The following CMSS1 variants were observed in gnomAD, a reference collection of about 807,000 sequenced individuals.
CMSS1 encodes the protein cms1 ribosomal small subunit homolog, also known as protein CMSS1.
In CMSS1, 33 loss-of-function variants were observed where a neutral mutation model predicts 43.5. That is an observed-to-expected ratio of 0.76 (90% CI 0.57 to 1.01). CMSS1 has a LOEUF of 1.01. Among genes scored for constraint, CMSS1 ranks in the 50% least tolerant of loss-of-function variants. The pLI is 0.00. For missense variants in CMSS1, 313 were observed against 326.4 expected, an observed-to-expected ratio of 0.96 and a Z score of 0.32; for synonymous variants, 115 against 117.2, an observed-to-expected ratio of 0.98 and a Z score of 0.12.
chr3:99,892,907 G>C (rs1006722446), intron 1 of CMSS1, among the ~76,000 whole-genome samples: 2 of 152,134 alleles, frequency 1.3e-5, no homozygotes, highest in African/African-American at 4.8e-5. Flanking sequence ...TAAATTCTAA[G>C]CGTACTATTG....
At chr3:99,982,749 T>G (rs1374466591) in intron 1 of CMSS1, among the ~76,000 whole-genome samples, 1 of 152,228 alleles carries the variant, frequency 6.6e-6, no homozygotes, top group Non-Finnish European at 1.5e-5. Flanking sequence ...CCATATATAG[T>G]ATTTCATAGA....
chr3:99,846,354 T>G (rs181279286), intron 1 of CMSS1, among the ~76,000 whole-genome samples: 41 of 152,362 alleles, frequency 2.7e-4, no homozygotes, highest in African/African-American at 9.9e-4. Flanking sequence ...GATCAGTTGA[T>G]CGATGCCTTC....
intron 1 of CMSS1, among the ~76,000 whole-genome samples, chr3:99,878,620 C>G (rs1705619065): frequency 6.6e-6 from 1 of 152,192 alleles, no homozygotes; most frequent in Admixed American, 6.5e-5. Context: ...CTGGGAAAGC[C>G]AAGACTCATC....
chr3:99,983,801 T>C, intron 1 of CMSS1, among the ~76,000 whole-genome samples: 1 of 151,392 alleles, frequency 6.6e-6, no homozygotes, highest in Non-Finnish European at 1.5e-5. Context: ...GCAAGAAAAG[T>C]AAAATCAGAG....
intron 2 of CMSS1, among the ~76,000 whole-genome samples, chr3:100,155,387 A>G (rs1263561902): frequency 6.6e-6 from 1 of 152,152 alleles, no homozygotes; most frequent in Non-Finnish European, 1.5e-5. Flanking sequence ...CTCTGTTCCT[A>G]TTGTTAATTG....
At chr3:99,884,142 C>T (rs1359517583) in intron 1 of CMSS1, among the ~76,000 whole-genome samples, 3 of 152,118 alleles carry the variant, frequency 2.0e-5, no homozygotes, top group Non-Finnish European at 4.4e-5. Context: ...GTGCAGTAGC[C>T]TGTTCAGGGA....
intron 1 of CMSS1, among the ~76,000 whole-genome samples, chr3:99,976,952 C>A (rs1193240671): frequency 6.6e-6 from 1 of 152,268 alleles, no homozygotes; most frequent in Middle Eastern, 3.4e-3. Context: ...AGTTTGAACT[C>A]CCTGTGTGAC....
chr3:100,133,804 A>T (rs1308169088), intron 1 of CMSS1, among the ~76,000 whole-genome samples: 3 of 152,236 alleles, frequency 2.0e-5, no homozygotes, highest in Non-Finnish European at 4.4e-5. Context: ...TTTAAGGATG[A>T]AGCAATGAAG....
rs116938558 is a variant in CMSS1 at position 99,872,565 on chromosome 3, C to T, written c.64+54522C>T. 4.3e-3 allele frequency among the ~76,000 whole-genome samples: 658 copies of T among 152,116 alleles called. 15 individuals carry two copies. Among genetic ancestry groups the T allele is most frequent in the East Asian group, 0.025 (130 of 5,182 alleles). On this transcript the variant is annotated intron_variant, in intron 1 of 9. Coordinates refer to ENST00000421999, the MANE Select transcript of CMSS1 (RefSeq NM_032359.4). Reference sequence around the variant, plus strand: ...TACTCCTCTACTTACCTCCCTACTGCTCCCCTGCCTGCCCCCACAAACACA... The same window carrying T: ...TACTCCTCTACTTACCTCCCTACTGTTCCCCTGCCTGCCCCCACAAACACA...
At chr3:99,850,587 A>G in intron 1 of CMSS1, 1 of 1,613,464 alleles carries the variant, frequency 6.2e-7, no homozygotes, top group Non-Finnish European at 8.5e-7. Flanking sequence ...CAGCGTTTCC[A>G]TATTCTCCCT....
At chr3:99,954,122 T>C (rs1576597863) in intron 1 of CMSS1, among the ~76,000 whole-genome samples, 1 of 152,382 alleles carries the variant, frequency 6.6e-6, no homozygotes, top group East Asian at 1.9e-4. Context: ...TCATCTCACT[T>C]AACACTTCAG....
intron 2 of CMSS1, among the ~76,000 whole-genome samples, chr3:100,159,433 C>A (rs1299617468): frequency 6.6e-6 from 1 of 152,190 alleles, no homozygotes; most frequent in East Asian, 1.9e-4. Context: ...TGTCTGCAAG[C>A]TTTCATAGAA....
intron 1 of CMSS1, 53 bp from the exon 2 acceptor site, chr3:100,146,920 A>G: frequency 6.3e-7 from 1 of 1,576,408 alleles, no homozygotes; most frequent in South Asian, 1.2e-5. Context: ...CCAAGATTGC[A>G]CTAGCAATGA....
Position 100,058,645 on chromosome 3 carries a change from A to G in CMSS1, c.65-88328A>G, listed in dbSNP as rs79548820. Among the ~76,000 whole-genome samples, 705 of 152,268 alleles carry G rather than the reference A, an allele frequency of 4.6e-3. 10 individuals are homozygous for G. The highest frequency in any genetic ancestry group is 0.016 in the African/African-American group (646 of 41,554). ...TTTTTTCTCCTCTAAATTCCCAAGC[A>G]CCTCACCACAAACTGACTTCATTTT... On this transcript the variant is annotated intron_variant, in intron 1 of 9. Transcript: ENST00000421999.
intron 1 of CMSS1, among the ~76,000 whole-genome samples, chr3:100,007,526 G>C (rs759095628): frequency 1.3e-5 from 2 of 152,150 alleles, no homozygotes; most frequent in Non-Finnish European, 2.9e-5. Context: ...GAAACAGTAA[G>C]AGATCCGTTA....
chr3:99,879,434 A>G (rs793447), intron 1 of CMSS1, among the ~76,000 whole-genome samples: 40,342 of 152,096 alleles, frequency 0.27, 6,056 homozygotes, highest in Admixed American at 0.34. Context: ...TCATTATTTA[A>G]CTTTTAAAAA....
chr3:99,947,395 C>T (rs1379518251), intron 1 of CMSS1, among the ~76,000 whole-genome samples: 2 of 152,076 alleles, frequency 1.3e-5, no homozygotes, highest in Admixed American at 6.6e-5. Flanking sequence ...TATGGAGGTG[C>T]CATTATTTAT....
At chr3:99,864,634 C>A (rs1271115534) in intron 1 of CMSS1, among the ~76,000 whole-genome samples, 1 of 152,044 alleles carries the variant, frequency 6.6e-6, no homozygotes, top group Non-Finnish European at 1.5e-5. Flanking sequence ...TTCATTTGTT[C>A]ATTCCCATGC....
intron 1 of CMSS1, chr3:99,876,309 C>T (rs554567208): frequency 4.8e-5 from 28 of 587,594 alleles, no homozygotes; most frequent in African/African-American, 4.4e-4. Context: ...GGCGCAGCCA[C>T]ACACCCCAGC....
Sources: allele counts gnomAD v4.1 joint callset (sites outside exome capture counted in the v4.1 genomes callset), GRCh38; gene constraint gnomAD v4.1.1; transcripts MANE v1.5; gene names NCBI Gene and HGNC (gene_info 2026-07-23, HGNC 2026-07-21).